SLC36A1: variants seen among roughly 807,000 people sequenced by gnomAD.
The protein encoded by SLC36A1 is solute carrier family 36 member 1, also known as proton-coupled amino acid transporter 1.
A neutral mutation model predicts 47.5 loss-of-function variants in SLC36A1; 30 were observed. The ratio of observed to expected loss-of-function variants is 0.63; its 90% CI spans 0.47 to 0.86. The LOEUF is 0.86. Among genes scored for constraint, SLC36A1 ranks in the 40% least tolerant of loss-of-function variants. The probability of loss-of-function intolerance (pLI) is 0.00; values close to 1 mark genes in which losing one functional copy is unlikely to be tolerated. For synonymous variants in SLC36A1, 255 were observed against 249.7 expected, an observed-to-expected ratio of 1.02 and a Z score of -0.20; for missense variants, 517 against 606.0, an observed-to-expected ratio of 0.85 and a Z score of 1.54.
the SLC36A1 span, among the ~76,000 whole-genome samples, chr5:151,428,603 G>C: frequency 6.6e-6 from 1 of 152,108 alleles, no homozygotes; most frequent in Non-Finnish European, 1.5e-5. Flanking sequence ...GAGCATCCTG[G>C]AGACAAGTGA....
the SLC36A1 span, chr5:151,549,247 T>A: frequency 6.4e-6 from 10 of 1,565,944 alleles, no homozygotes; most frequent in Non-Finnish European, 8.7e-6. Context: ...TTCCTTTATT[T>A]CTAAAGCATC....
the SLC36A1 span, among the ~76,000 whole-genome samples, chr5:151,537,596 G>A: frequency 6.6e-6 from 1 of 152,174 alleles, no homozygotes; most frequent in African/African-American, 2.4e-5. Context: ...TTTCCCACTA[G>A]ATTATAAAGG....
At chr5:151,474,688 C>T (rs1319062811) in intron 8 of SLC36A1, among the ~76,000 whole-genome samples, 2 of 152,182 alleles carry the variant, frequency 1.3e-5, no homozygotes, top group Non-Finnish European at 2.9e-5. Context: ...AGCCTTCACT[C>T]CTGGCTCAGC....
At chr5:151,354,439 TGAG>T in the SLC36A1 span, among the ~76,000 whole-genome samples, 2 of 152,208 alleles carry the variant, frequency 1.3e-5, no homozygotes, top group East Asian at 1.9e-4. Context: ...CAGCCACCCT[TGAG>T]GAGATTTTCT....
the SLC36A1 span, among the ~76,000 whole-genome samples, chr5:151,400,819 C>G: frequency 2.6e-5 from 4 of 152,044 alleles, no homozygotes. Flanking sequence ...TGTATGTCTT[C>G]TTTTGAGAAG....
At chr5:151,521,492 A>G in the SLC36A1 span, 3 of 1,614,226 alleles carry the variant, frequency 1.9e-6, no homozygotes, top group Non-Finnish European at 2.5e-6. Context: ...GTGATGATGG[A>G]TGCTAGCTCC....
At chr5:151,395,676 G>A in the SLC36A1 span, among the ~76,000 whole-genome samples, 1 of 152,144 alleles carries the variant, frequency 6.6e-6, no homozygotes, top group South Asian at 2.1e-4. Flanking sequence ...AATCATGTCA[G>A]GATTCCTTGT....
chr5:151,493,854 C>T (rs900033851), downstream of SLC36A1, among the ~76,000 whole-genome samples: 5 of 152,144 alleles, frequency 3.3e-5, no homozygotes, highest in African/African-American at 1.2e-4. Flanking sequence ...TGTAAAGTGC[C>T]ATATGTCATA....
At chr5:151,435,995 A>G (rs1759753922), upstream of SLC36A1, among the ~76,000 whole-genome samples, 1 of 152,120 alleles carries the variant, frequency 6.6e-6, no homozygotes, top group Admixed American at 6.5e-5. Flanking sequence ...TAATATTAAT[A>G]TCAATAATTA....
chr5:151,399,084 A>T, the SLC36A1 span, among the ~76,000 whole-genome samples: 747 of 59,816 alleles, frequency 0.012, 8 homozygotes, highest in Middle Eastern at 0.031. Context: ...ATATATATAT[A>T]TTTTTTTTTT....
At position 151,480,029 on chromosome 5, in the gene SLC36A1, A is replaced by C. The variant is rs546023182; in HGVS notation, c.1159+540A>C. ...GTATTTGATTGATCACTTGTGTTTT[A>C]TTCTTCTTCTCTCAACCCCATTCCC... On this transcript the variant is annotated intron_variant, in intron 10 of 10. Coordinates refer to ENST00000243389, the MANE Select transcript of SLC36A1 (RefSeq NM_078483.4). 4.0e-6 allele frequency: 5 copies of C among 1,238,096 alleles called. No individual in the cohort carries two copies. In the South Asian group the frequency reaches 5.5e-5, roughly 14 times the overall value. 76.7% of individuals were successfully genotyped at this position (1,238,096 alleles called of 1,614,324 possible).
the SLC36A1 span, chr5:151,510,051 C>T: frequency 6.2e-7 from 1 of 1,614,156 alleles, no homozygotes. Context: ...AGGGCAGTTA[C>T]AGGAAGCTCC....
At chr5:151,517,455 C>T in the SLC36A1 span, among the ~76,000 whole-genome samples, 73 of 152,328 alleles carry the variant, frequency 4.8e-4, no homozygotes, top group African/African-American at 1.8e-3. Context: ...TGTGGCCATC[C>T]AGGACAGGAT....
the SLC36A1 span, chr5:151,512,622 A>G: frequency 6.3e-7 from 1 of 1,578,916 alleles, no homozygotes; most frequent in African/African-American, 1.4e-5. This position sits in a 1 kb window ranked among gnomAD's most constrained non-coding sequence, Gnocchi z 4.1. Flanking sequence ...AAGGAAATCC[A>G]AACAGCCATC....
the SLC36A1 span, among the ~76,000 whole-genome samples, chr5:151,359,080 G>A: frequency 2.0e-5 from 3 of 150,632 alleles, no homozygotes; most frequent in Non-Finnish European, 2.9e-5. Flanking sequence ...TCAATGATTC[G>A]AATGACATCA....
At chr5:151,502,040 G>A in the SLC36A1 span, among the ~76,000 whole-genome samples, 5 of 148,350 alleles carry the variant, frequency 3.4e-5, no homozygotes, top group Non-Finnish European at 5.9e-5. Flanking sequence ...GGGCAGGTGC[G>A]GTGGCTCATG....
chr5:151,518,371 A>ATT, the SLC36A1 span, among the ~76,000 whole-genome samples: 4 of 131,110 alleles, frequency 3.1e-5, no homozygotes, highest in Admixed American at 7.6e-5. Context: ...TAATAATAAT[A>ATT]ATAATTTTTA....
At chr5:151,457,268 A>C (rs923916421) in intron 1 of SLC36A1, among the ~76,000 whole-genome samples, 1 of 151,886 alleles carries the variant, frequency 6.6e-6, no homozygotes, top group African/African-American at 2.4e-5. Flanking sequence ...AGGTTACTTC[A>C]TCTTTTAGCA....
the SLC36A1 span, chr5:151,505,623 T>C: frequency 6.2e-7 from 1 of 1,614,128 alleles, no homozygotes; most frequent in Non-Finnish European, 8.5e-7. Context: ...AGAGCCCTCA[T>C]AGTTGGGGGG....
Sources: gnomAD v4.1 joint callset for allele counts (sites outside exome capture counted in the v4.1 genomes callset) on GRCh38, gnomAD v4.1.1 for gene constraint, Gnocchi (gnomAD v3.1) non-coding constraint, MANE v1.5 for transcripts, NCBI Gene and HGNC (gene_info 2026-07-23, HGNC 2026-07-21) for gene names.